GALNT8: variants seen among roughly 807,000 people sequenced by gnomAD.
The protein encoded by GALNT8 is polypeptide N-acetylgalactosaminyltransferase 8, also known as probable polypeptide N-acetylgalactosaminyltransferase 8.
In GALNT8, 66 loss-of-function variants were observed where a neutral mutation model predicts 62.7. That is an observed-to-expected ratio of 1.05 (90% CI 0.86 to 1.29). The LOEUF (loss-of-function observed/expected upper bound fraction) is 1.29, where lower values mean the gene tolerates loss of function less well. GALNT8 is among the 50% of genes most tolerant of loss of function. The pLI is 0.00. For missense variants in GALNT8, 771 were observed against 791.8 expected (o/e 0.97, Z 0.32); for synonymous variants, 288 against 294.3 (o/e 0.98, Z 0.22).
At chr12:4,735,908 A>G (rs183671544) in intron 2 of GALNT8, among the ~76,000 whole-genome samples, 1 of 152,340 alleles carries the variant, frequency 6.6e-6, no homozygotes, top group African/African-American at 2.4e-5. Flanking sequence ...GACCTTATTT[A>G]GAAGAGAGGA....
intron 6 of GALNT8, among the ~76,000 whole-genome samples, chr12:4,755,571 AT>A (rs1330642049): frequency 6.6e-6 from 1 of 152,134 alleles, no homozygotes; most frequent in African/African-American, 2.4e-5. Flanking sequence ...TGCTTAACTG[AT>A]TTTTGGTTCT....
intron 5 of GALNT8, 95 bp from the exon 6 acceptor site, chr12:4,746,048 AG>A (rs1195740881): frequency 1.4e-6 from 1 of 714,954 alleles, no homozygotes; most frequent in Non-Finnish European, 2.5e-6. Context: ...GAACAGACTT[AG>A]GTAGAGTTCT....
intron 3 of GALNT8, among the ~76,000 whole-genome samples, chr12:4,742,792 G>A (rs370755487): frequency 2.6e-5 from 4 of 152,156 alleles, no homozygotes; most frequent in Admixed American, 6.5e-5. Flanking sequence ...ATCCGGAAGC[G>A]CCCTGAGCTG....
chr12:4,737,061 A>T (rs954357644), intron 2 of GALNT8, among the ~76,000 whole-genome samples: 1 of 152,216 alleles, frequency 6.6e-6, no homozygotes, highest in Non-Finnish European at 1.5e-5. Flanking sequence ...CTAAAACTAA[A>T]AAGTACAATA....
At chr12:4,754,564 G>A (rs1946336179) in intron 6 of GALNT8, among the ~76,000 whole-genome samples, 1 of 152,100 alleles carries the variant, frequency 6.6e-6, no homozygotes, top group South Asian at 2.1e-4. Flanking sequence ...GATGAATGCT[G>A]CCTGGCTTAA....
chr12:4,756,961 A>G (rs558167207), intron 6 of GALNT8, among the ~76,000 whole-genome samples: 1 of 152,280 alleles, frequency 6.6e-6, no homozygotes, highest in South Asian at 2.1e-4. Flanking sequence ...AGGTCATTGG[A>G]TCATGTCGGG....
chr12:4,745,992 A>C, intron 5 of GALNT8, 152 bp from the exon 6 acceptor site: 2 of 616,300 alleles, frequency 3.2e-6, no homozygotes, highest in Non-Finnish European at 5.9e-6. Flanking sequence ...GGAAAGCTAC[A>C]TGCACTTAGT....
Position 4,726,707 on chromosome 12 carries a change from C to G in GALNT8, c.387C>G (p.Gly129=). The G allele has an allele frequency of 6.2e-7, 1 of 1,613,952 alleles. No homozygotes were observed. Among genetic ancestry groups the G allele is most frequent in the Non-Finnish European group, 8.5e-7 (1 of 1,179,972 alleles). The change falls in exon 2 of 11, where the codon GGC becomes GGG. Residue 129 remains glycine (G), a synonymous_variant. Coordinates refer to ENST00000252318, the MANE Select transcript of GALNT8 (RefSeq NM_017417.2). This position sits in a 1 kb window ranked among gnomAD's most constrained non-coding sequence, Gnocchi z 4.1. ...ACTCACAGCTTTTCAGGCAATGGGG[C>G]GAGGATCTTTCTGAGGCCCAGCAGA... is the stretch of plus-strand genomic sequence containing the variant. The part of the protein sequence containing the change: ...FPHSQLFRQW[G]EDLSEAQQKA...
rs745306971 is a variant in GALNT8 at position 4,726,826 on chromosome 12, A to G, written c.506A>G (p.Tyr169Cys). The G allele has an allele frequency of 9.3e-6, 15 of 1,608,596 alleles. No homozygotes were observed. In the Admixed American group the frequency reaches 1.0e-4, roughly 11 times the overall value. The change falls in exon 2 of 11, where the codon TAC becomes TGC. Residue 169 changes from tyrosine (Y) to cysteine (C), a missense_variant. Coordinates refer to ENST00000252318, the MANE Select transcript of GALNT8 (RefSeq NM_017417.2). This position sits in a 1 kb window ranked among gnomAD's most constrained non-coding sequence, Gnocchi z 4.1. ...LNRTIPDTRD[Y>C]RCLRKTYPSQ... Reference sequence around the variant, plus strand: ...CGCACCATCCCCGACACGCGAGACTACAGGTGGGATGAACCAGGCTTGGGC... The same window carrying G: ...CGCACCATCCCCGACACGCGAGACTGCAGGTGGGATGAACCAGGCTTGGGC...
chr12:4,745,593 G>A lies in GALNT8; in HGVS notation c.1025G>A (p.Trp342Ter). Residue 342 changes from tryptophan to a stop codon, truncating the protein, a stop_gained, in exon 5 of 11, where the codon TGG (tryptophan) becomes TAG (stop). Coordinates refer to ENST00000252318, the MANE Select transcript of GALNT8 (RefSeq NM_017417.2). LOFTEE classifies it high-confidence loss of function. ...WCRYDALPQA[W>*]IDLHDVTAPV... ...CGCTACGATGCACTGCCACAAGCCT[G>A]GATTGATCTGCATGATGTCACTGCC... is the stretch of plus-strand genomic sequence containing the variant. 1 of 1,613,998 alleles carries A rather than the reference G, an allele frequency of 6.2e-7. No homozygotes were observed. The highest frequency in any genetic ancestry group is 8.5e-7 in the Non-Finnish European group (1 of 1,179,906).
chr12:4,729,513 T>G (rs1946211696), intron 2 of GALNT8, among the ~76,000 whole-genome samples: 1 of 152,212 alleles, frequency 6.6e-6, no homozygotes, highest in Non-Finnish European at 1.5e-5. Context: ...ATTCCACCTG[T>G]AAGTGAGATC....
chr12:4,731,132 G>A lies in GALNT8; in HGVS notation c.509+4303G>A, dbSNP rs538618403. On this transcript the variant is annotated intron_variant, in intron 2 of 10. Transcript: ENST00000252318. ...ATTACAAGCGTGAGCCACCGCCCCC[G>A]GCCTGAGATGATTTTTCATTTATTT... Among the ~76,000 whole-genome samples the A allele has an allele frequency of 5.3e-5, 8 of 151,858 alleles. No homozygotes were observed. The East Asian group carries it at 7.8e-4, about 15-fold the overall frequency.
At chr12:4,770,468 G>A (rs773031632) in intron 10 of GALNT8, among the ~76,000 whole-genome samples, 1 of 151,994 alleles carries the variant, frequency 6.6e-6, no homozygotes, top group African/African-American at 2.4e-5. Flanking sequence ...ACAGACCACT[G>A]ACTTTGTCTA....
At chr12:4,734,062 GA>G (rs1447328619) in intron 2 of GALNT8, among the ~76,000 whole-genome samples, 1 of 152,158 alleles carries the variant, frequency 6.6e-6, no homozygotes, top group Admixed American at 6.5e-5. Flanking sequence ...AACCTTTATG[GA>G]GCTTCTTTTA....
rs757712247 is a variant in GALNT8 at position 4,772,535 on chromosome 12, A to G, written c.1852A>G (p.Ser618Gly). Residue 618 changes from serine to glycine, a missense_variant, in exon 11 of 11, where the codon AGC becomes GGC. Ser to Gly is a moderately conservative substitution (Grantham distance 56). Transcript: ENST00000252318. ...CCACGTGCTTGTGCTCCAGACCTGT[A>G]GCACGCAAGTGTGGGAAATCCAGCA... ...GSHVLVLQTC[S>G]TQVWEIQHTV... The G allele has an allele frequency of 1.5e-5, 24 of 1,613,808 alleles. No individual in the cohort carries two copies. The highest frequency in any genetic ancestry group is 1.9e-5 in the Non-Finnish European group (22 of 1,179,800).
At chr12:4,765,644 T>A (rs770239661) in intron 10 of GALNT8, 98 bp downstream of exon 10, 60 of 858,618 alleles carry the variant, frequency 7.0e-5, no homozygotes, top group Non-Finnish European at 1.1e-4. Context: ...TGCAGTGGCT[T>A]CTCAGCTGAC....
At chr12:4,731,306 C>T (rs1946221180) in intron 2 of GALNT8, among the ~76,000 whole-genome samples, 1 of 152,144 alleles carries the variant, frequency 6.6e-6, no homozygotes, top group Admixed American at 6.5e-5. Context: ...AGTTTGCTGT[C>T]AGTGTATAGT....
chr12:4,727,904 A>G (rs950256731), intron 2 of GALNT8, among the ~76,000 whole-genome samples: 11 of 152,178 alleles, frequency 7.2e-5, no homozygotes, highest in African/African-American at 2.7e-4. Context: ...GCTGGGCCAT[A>G]TGATAATTCT....
chr12:4,765,447 T>G lies in GALNT8; in HGVS notation c.1662T>G (p.Asp554Glu), dbSNP rs759287934. The G allele has an allele frequency of 6.2e-7, 1 of 1,611,662 alleles. No individual in the cohort carries two copies. The highest frequency in any genetic ancestry group is 1.3e-5 in the African/African-American group (1 of 74,412). ...TGATTGCAGAGGCCAGTGCTAGTGATCGCTGCCTGACAGACCCTGGCAAGG... is the reference window on the plus strand; with the variant it reads ...TGATTGCAGAGGCCAGTGCTAGTGAGCGCTGCCTGACAGACCCTGGCAAGG... The part of the protein sequence containing the change: ...GQLIAEASAS[D>E]RCLTDPGKAE... Residue 554 changes from aspartate to glutamate, a missense_variant, in exon 10 of 11, where the codon GAT becomes GAG. Coordinates refer to ENST00000252318, the MANE Select transcript of GALNT8 (RefSeq NM_017417.2).
Sources: gnomAD v4.1 joint callset for allele counts (sites outside exome capture counted in the v4.1 genomes callset) on GRCh38, gnomAD v4.1.1 for gene constraint, Gnocchi (gnomAD v3.1) non-coding constraint, MANE v1.5 for transcripts, NCBI Gene and HGNC (gene_info 2026-07-23, HGNC 2026-07-21) for gene names.